The following ANKH variants were observed in gnomAD, a reference collection of about 807,000 sequenced individuals.
ANKH encodes the protein mineralization regulator ANKH.
In ANKH, 15 loss-of-function variants were observed where a neutral mutation model predicts 49.0. The observed-to-expected ratio is 0.31, with a 90% CI of 0.20 to 0.47. The LOEUF (loss-of-function observed/expected upper bound fraction) is 0.47. Among genes scored for constraint, ANKH ranks in the 20% least tolerant of loss-of-function variants. The pLI, the probability that ANKH is intolerant of heterozygous loss-of-function variation, is 1.00. For synonymous variants in ANKH, 273 were observed against 260.0 expected, an observed-to-expected ratio of 1.05 and a Z score of -0.48; for missense variants, 429 against 652.0, an observed-to-expected ratio of 0.66 and a Z score of 3.72.
intron 2 of ANKH, among the ~76,000 whole-genome samples, chr5:14,767,093 G>A: frequency 6.6e-6 from 1 of 152,164 alleles, no homozygotes; most frequent in East Asian, 1.9e-4. Context: ...AAAGTGGTGG[G>A]AAGAATGGCT....
At chr5:14,803,956 C>T (rs1050337539) in intron 1 of ANKH, among the ~76,000 whole-genome samples, 17 of 152,134 alleles carry the variant, frequency 1.1e-4, no homozygotes, top group South Asian at 1.0e-3. Context: ...AGTGCAACGG[C>T]GCGGTATCTG....
intron 6 of ANKH, among the ~76,000 whole-genome samples, chr5:14,747,720 C>T (rs182041233): frequency 7.5e-4 from 114 of 152,296 alleles, no homozygotes; most frequent in Non-Finnish European, 1.4e-3. Context: ...ATTAACAAAA[C>T]GGCAATGTCC....
rs57977744 is a variant in ANKH, at chr5:14,819,900, T to TACACACAC, written c.97-50717_97-50710dup. Among the ~76,000 whole-genome samples, 557 of 145,496 alleles carry TACACACAC rather than the reference T, an allele frequency of 3.8e-3. 7 individuals are homozygous for TACACACAC. The highest frequency in any genetic ancestry group is 0.011 in the African/African-American group (449 of 39,092). ...AACAACAACAACAACAACAAAAATA[T>TACACACAC]ACACACACACACACACACACACACA... is the stretch of plus-strand genomic sequence containing the variant. On this transcript the variant is annotated intron_variant, in intron 1 of 11. Transcript: ENST00000284268.
intron 7 of ANKH, among the ~76,000 whole-genome samples, chr5:14,744,850 G>A (rs1738479543): frequency 2.0e-5 from 3 of 152,206 alleles, no homozygotes; most frequent in Non-Finnish European, 4.4e-5. Context: ...GAAGGAGAGA[G>A]GCCTGCAGCC....
chr5:14,816,669 T>G (rs1327395006), intron 1 of ANKH, among the ~76,000 whole-genome samples: 5 of 152,198 alleles, frequency 3.3e-5, no homozygotes, highest in Non-Finnish European at 7.3e-5. Context: ...TCGACTTTCT[T>G]GGAATGTTCA....
At chr5:14,841,453 C>T (rs564662337) in intron 1 of ANKH, among the ~76,000 whole-genome samples, 3 of 152,170 alleles carry the variant, frequency 2.0e-5, no homozygotes, top group South Asian at 2.1e-4. Context: ...TGTGCCCCAA[C>T]GCCTGGCTAA....
At chr5:14,789,364 AT>A (rs1447852580) in intron 1 of ANKH, among the ~76,000 whole-genome samples, 1 of 151,836 alleles carries the variant, frequency 6.6e-6, no homozygotes, top group East Asian at 1.9e-4. Flanking sequence ...AGTTAAATGC[AT>A]TTTTTAAAAG....
At chr5:14,760,823 G>A (rs555260301) in intron 2 of ANKH, among the ~76,000 whole-genome samples, 2 of 152,334 alleles carry the variant, frequency 1.3e-5, no homozygotes, top group East Asian at 3.9e-4. Flanking sequence ...TGCCATGGTT[G>A]AAGCTGGGGA....
chr5:14,866,394 T>C (rs1735646774), intron 1 of ANKH, among the ~76,000 whole-genome samples: 1 of 152,216 alleles, frequency 6.6e-6, no homozygotes, highest in African/African-American at 2.4e-5. Flanking sequence ...CTTTCTTTTC[T>C]CCTTCAAGGT....
intron 3 of ANKH, among the ~76,000 whole-genome samples, chr5:14,757,413 CATAT>C (rs1425001724): frequency 7.9e-5 from 10 of 127,208 alleles, no homozygotes; most frequent in East Asian, 2.2e-4. Flanking sequence ...CTTATTGGAA[CATAT>C]ATATATATAT....
intron 8 of ANKH, among the ~76,000 whole-genome samples, chr5:14,723,901 C>G (rs1231289670): frequency 6.6e-6 from 1 of 152,228 alleles, no homozygotes; most frequent in Non-Finnish European, 1.5e-5. Context: ...CTAACCACCA[C>G]TGGGCTGCAG....
intron 1 of ANKH, among the ~76,000 whole-genome samples, chr5:14,846,020 A>T (rs826357): frequency 0.62 from 93,910 of 151,176 alleles, 29,627 homozygotes; most frequent in East Asian, 0.84. Flanking sequence ...CACGCCCGGC[A>T]AATTTTTTGT....
chr5:14,759,423 T>A (rs1486246377), intron 2 of ANKH, among the ~76,000 whole-genome samples: 1 of 152,160 alleles, frequency 6.6e-6, no homozygotes, highest in Non-Finnish European at 1.5e-5. Context: ...ATTGAGCTAT[T>A]TTTTCACCTC....
chr5:14,710,721 C>T lies in ANKH; in HGVS notation c.*476G>A, dbSNP rs1403567157. The T allele has an allele frequency of 5.4e-6, 1 of 185,724 alleles. No individual in the cohort carries two copies. The highest frequency in any genetic ancestry group is 1.1e-4 in the South Asian group (1 of 9,522). The allele number at this position is 185,724 out of a possible 1,614,324, so 11.5% of individuals were successfully genotyped here. On this transcript the variant is annotated 3_prime_UTR_variant, in exon 12 of 12. Coordinates refer to ENST00000284268, the MANE Select transcript of ANKH (RefSeq NM_054027.6). ...ATTTAAGAGGCCACCGGGGCTCCATCTCTTTGTACGGCCATGTGACTGGGA... is the reference window on the plus strand; with the variant it reads ...ATTTAAGAGGCCACCGGGGCTCCATTTCTTTGTACGGCCATGTGACTGGGA...
intron 1 of ANKH, among the ~76,000 whole-genome samples, chr5:14,809,354 A>AAAT: frequency 7.7e-6 from 1 of 130,302 alleles, no homozygotes; most frequent in East Asian, 2.7e-4. Context: ...AAAAAAAAAA[A>AAAT]AAAGAAAAAA....
intron 1 of ANKH, among the ~76,000 whole-genome samples, chr5:14,854,094 A>G (rs546365649): frequency 6.6e-6 from 1 of 152,382 alleles, no homozygotes; most frequent in South Asian, 2.1e-4. Flanking sequence ...TATTTCATTA[A>G]GGCAAATGGC....
intron 1 of ANKH, chr5:14,798,518 G>T: frequency 1.3e-6 from 1 of 772,812 alleles, no homozygotes; most frequent in Non-Finnish European, 2.0e-6. Context: ...ACAAATTGAA[G>T]GTTTGTGGCA....
At chr5:14,806,626 G>A (rs1740717286) in intron 1 of ANKH, among the ~76,000 whole-genome samples, 1 of 152,176 alleles carries the variant, frequency 6.6e-6, no homozygotes, top group Non-Finnish European at 1.5e-5. Flanking sequence ...ACCATCAGGA[G>A]AAGAGCAGGC....
At chr5:14,789,929 C>T (rs573823869) in intron 1 of ANKH, among the ~76,000 whole-genome samples, 91 of 152,204 alleles carry the variant, frequency 6.0e-4, no homozygotes, top group African/African-American at 2.0e-3. Context: ...AGGCTGGTCT[C>T]GAACTCCTGG....
Sources: allele counts gnomAD v4.1 joint callset (sites outside exome capture counted in the v4.1 genomes callset), GRCh38; gene constraint gnomAD v4.1.1; transcripts MANE v1.5; gene names NCBI Gene and HGNC (gene_info 2026-07-23, HGNC 2026-07-21).